The following ACTA2 variants were observed in gnomAD, a reference collection of about 807,000 sequenced individuals.
ACTA2 encodes the protein actin, aortic smooth muscle.
Under a neutral mutation model 39.5 loss-of-function variants are expected in ACTA2, and 12 were observed. That is an observed-to-expected ratio of 0.30 (90% confidence interval 0.19 to 0.49). The LOEUF is 0.49. ACTA2 is among the 20% of genes least tolerant of loss of function. The pLI is 0.99. For synonymous variants in ACTA2, 158 were observed against 180.6 expected (o/e 0.88, Z 1.00); for missense variants, 236 against 498.8 (o/e 0.47, Z 5.02).
chr10:88,939,843 T>C (rs1298674709), intron 6 of ACTA2, 145 bp from the exon 7 acceptor site: 2 of 850,624 alleles, frequency 2.4e-6, no homozygotes, highest in Middle Eastern at 2.7e-4. Flanking sequence ...AAATCCACAA[T>C]GATAATGACG....
At chr10:88,953,854 C>T (rs181454284), upstream of ACTA2, among the ~76,000 whole-genome samples, 3 of 152,306 alleles carry the variant, frequency 2.0e-5, no homozygotes, top group Admixed American at 1.3e-4. Flanking sequence ...CACGCCTCTT[C>T]CCCTTTTGCC....
At chr10:88,977,325 T>C (rs1048531673) in intron 1 of ACTA2, among the ~76,000 whole-genome samples, 20 of 143,044 alleles carry the variant, frequency 1.4e-4, no homozygotes, top group Admixed American at 2.1e-4. Context: ...TAATCCATCT[T>C]GAATTGATTT....
At chr10:88,954,031 C>T (rs1012406396), upstream of ACTA2, among the ~76,000 whole-genome samples, 1 of 152,196 alleles carries the variant, frequency 6.6e-6, no homozygotes, top group Non-Finnish European at 1.5e-5. Flanking sequence ...GCCCTCATCT[C>T]AAGCATCAAT....
At chr10:88,951,218 G>T (rs12241898) in intron 1 of ACTA2, among the ~76,000 whole-genome samples, 3 of 152,126 alleles carry the variant, frequency 2.0e-5, no homozygotes, top group African/African-American at 7.2e-5. Flanking sequence ...AGAGCCTGGG[G>T]TATCTGTCAG....
chr10:88,961,581 G>A (rs913906807), intron 1 of ACTA2, among the ~76,000 whole-genome samples: 19 of 152,144 alleles, frequency 1.2e-4, no homozygotes, highest in African/African-American at 4.6e-4. Flanking sequence ...CATAACTTAG[G>A]CAAGAATAGC....
chr10:88,991,130 G>C (rs868444365), exon 1 of ACTA2: 186 of 623,800 alleles, frequency 3.0e-4, no homozygotes, highest in South Asian at 1.6e-3. Context: ...TGCTTTTCTT[G>C]GGCCTTGATG....
chr10:88,946,275 CTTTTTTT>C (rs35702314), intron 3 of ACTA2, among the ~76,000 whole-genome samples: 1 of 117,086 alleles, frequency 8.5e-6, no homozygotes, highest in East Asian at 2.6e-4. Context: ...TTAATTAAAC[CTTTTTTT>C]TTTTTTTTTT....
chr10:88,944,900 C>T (rs1286981627), intron 3 of ACTA2, among the ~76,000 whole-genome samples: 1 of 152,176 alleles, frequency 6.6e-6, no homozygotes, highest in African/African-American at 2.4e-5. Flanking sequence ...CAAAACAGAG[C>T]AAAACAAGAA....
At chr10:88,973,089 T>C in intron 1 of ACTA2, 1 of 1,378,370 alleles carries the variant, frequency 7.3e-7, no homozygotes, top group Non-Finnish European at 9.7e-7. Flanking sequence ...CAAAAAATAA[T>C]TTTAACTTCT....
intron 1 of ACTA2, among the ~76,000 whole-genome samples, chr10:88,964,551 G>C (rs1846288643): frequency 6.6e-6 from 1 of 152,152 alleles, no homozygotes; most frequent in African/African-American, 2.4e-5. Flanking sequence ...GGTCATCCCT[G>C]GTGATCAACC....
chr10:88,958,815 A>G (rs1164115722), intron 1 of ACTA2, among the ~76,000 whole-genome samples: 1 of 152,150 alleles, frequency 6.6e-6, no homozygotes, highest in Non-Finnish European at 1.5e-5. Flanking sequence ...CTACAGGATG[A>G]CCAAGGTTCC....
intron 1 of ACTA2, among the ~76,000 whole-genome samples, chr10:88,951,580 T>C (rs1269201241): frequency 6.6e-6 from 1 of 152,194 alleles, no homozygotes; most frequent in African/African-American, 2.4e-5. Context: ...AAGAAGTCAC[T>C]GTGTCCCCGG....
chr10:88,991,027 A>G (rs2133386018), exon 1 of ACTA2: 1 of 1,381,788 alleles, frequency 7.2e-7, no homozygotes, highest in Non-Finnish European at 1.0e-6. Context: ...GGCACCTGGG[A>G]GCGGCGGGCT....
intron 4 of ACTA2, among the ~76,000 whole-genome samples, chr10:88,942,085 A>T (rs2133257163): frequency 6.6e-6 from 1 of 152,222 alleles, no homozygotes; most frequent in Middle Eastern, 3.4e-3. Flanking sequence ...CAGGGTGGGG[A>T]GGGGAAGAAA....
At chr10:88,978,290 C>T (rs1274633356) in intron 1 of ACTA2, among the ~76,000 whole-genome samples, 1 of 145,316 alleles carries the variant, frequency 6.9e-6, no homozygotes, top group Non-Finnish European at 1.5e-5. Flanking sequence ...GGGAGATATA[C>T]CTAATGCTAG....
rs553718064 is a variant in ACTA2, at chr10:88,983,802, G to C, written c.-24+7137C>G. Among the ~76,000 whole-genome samples the C allele has an allele frequency of 5.3e-4, 80 of 152,244 alleles. No individual in the cohort carries two copies. The South Asian group carries it at 9.3e-3, about 18-fold the overall frequency. On this transcript the variant is annotated intron_variant, in intron 1 of 4. Coordinates refer to the ACTA2 transcript ENST00000415557. ...AATAAGTTTGAAGAAATTTCAGAAA[G>C]AACTTTGATAAACCCATTGAATGAC...
chr10:88,936,979 T>C (rs879548022), intron 8 of ACTA2, among the ~76,000 whole-genome samples: 1 of 152,288 alleles, frequency 6.6e-6, no homozygotes, highest in Non-Finnish European at 1.5e-5. Context: ...ACTCTAGCAA[T>C]AGCCTCTTTC....
At chr10:88,987,284 G>T (rs1013267768) in intron 1 of ACTA2, among the ~76,000 whole-genome samples, 2 of 152,186 alleles carry the variant, frequency 1.3e-5, no homozygotes, top group African/African-American at 4.8e-5. Context: ...TGTAACAAAA[G>T]AATTATTATA....
chr10:88,979,877 AGCACCTACAAAG>A lies in ACTA2; in HGVS notation c.-24+11050_-24+11061del, dbSNP rs528885295. 2.6e-3 allele frequency among the ~76,000 whole-genome samples: 400 copies of A among 152,342 alleles called. 1 individual carries two copies. Among genetic ancestry groups the A allele is most frequent in the African/African-American group, 8.7e-3 (363 of 41,582 alleles). On this transcript the variant is annotated intron_variant, in intron 1 of 4. Transcript: ENST00000415557. Reference sequence around the variant, plus strand: ...CACACACCTCCTCACACATGTGTAAAGCACCTACAAAGGCTTTGGGGTAGATCCTGGCAAAAT... The same window carrying A: ...CACACACCTCCTCACACATGTGTAAAGCTTTGGGGTAGATCCTGGCAAAAT...
Sources: gnomAD v4.1 joint callset for allele counts (sites outside exome capture counted in the v4.1 genomes callset) on GRCh38, gnomAD v4.1.1 for gene constraint, MANE v1.5 for transcripts, NCBI Gene and HGNC (gene_info 2026-07-23, HGNC 2026-07-21) for gene names.